TUNAR: variants seen among roughly 807,000 people sequenced by gnomAD.
TUNAR encodes transmembrane neural differentiation associated intracellular calcium regulator.
intron 2 of TUNAR, among the ~76,000 whole-genome samples, chr14:95,896,310 C>T (rs1445039489): frequency 6.6e-6 from 1 of 152,176 alleles, no homozygotes; most frequent in Non-Finnish European, 1.5e-5. Flanking sequence ...TGTTCAAGCT[C>T]AATGGGGAAA....
chr14:95,907,189 C>G (rs912985688), intron 2 of TUNAR, among the ~76,000 whole-genome samples: 1 of 152,162 alleles, frequency 6.6e-6, no homozygotes, highest in African/African-American at 2.4e-5. Flanking sequence ...TTTATTCAGC[C>G]CTTCTCCTAT....
rs868706395 is a variant in TUNAR, at chr14:95,913,978, G to A, written c.13-8803G>A. ...GATCACTTGACCTTGTGATCTGCCC[G>A]CCTTGGCCTCCCAAAGTGCTGGGAT... is the stretch of plus-strand genomic sequence containing the variant. On this transcript the variant is annotated intron_variant, in intron 2 of 2. Coordinates refer to ENST00000678517, the Ensembl canonical transcript of TUNAR. 1.2e-4 allele frequency among the ~76,000 whole-genome samples: 18 copies of A among 152,346 alleles called. 1 individual carries two copies. The highest frequency in any genetic ancestry group is 3.4e-3 in the Middle Eastern group (1 of 294).
At chr14:95,884,158 A>G (rs925122752) in intron 2 of TUNAR, among the ~76,000 whole-genome samples, 1 of 152,088 alleles carries the variant, frequency 6.6e-6, no homozygotes, top group South Asian at 2.1e-4. Flanking sequence ...TGTTTCCCGT[A>G]TGGTAGCCAG....
chr14:95,918,725 G>A (rs1358388423), intron 2 of TUNAR, among the ~76,000 whole-genome samples: 1 of 152,200 alleles, frequency 6.6e-6, no homozygotes, highest in Non-Finnish European at 1.5e-5. Flanking sequence ...TTAATTCAGG[G>A]AAGAGGCTAA....
intron 2 of TUNAR, among the ~76,000 whole-genome samples, chr14:95,921,322 G>T (rs746473281): frequency 2.0e-5 from 3 of 152,112 alleles, no homozygotes; most frequent in Non-Finnish European, 4.4e-5. Context: ...AAGCCTCCTG[G>T]CTCTAAAGGC....
rs1157018910 is a variant in TUNAR, at chr14:95,895,033, A to G, written c.12+17856A>G. The stretch of plus-strand genomic sequence containing the variant: ...TGGAGCTGAGGGCACAGAAATGGCC[A>G]AGGCAGGGAGTCAAGCCAGACAGCC... On this transcript the variant is annotated intron_variant, in intron 2 of 2. Coordinates refer to ENST00000678517, the Ensembl canonical transcript of TUNAR. The surrounding 1 kb of genome is among the most constrained non-coding windows in gnomAD (Gnocchi z 4.5). Among the ~76,000 whole-genome samples the G allele has an allele frequency of 6.6e-6, 1 of 152,238 alleles. No individual in the cohort carries two copies. The highest frequency in any genetic ancestry group is 1.5e-5 in the Non-Finnish European group (1 of 68,036).
At chr14:95,881,173 T>C (rs1888972367) in intron 2 of TUNAR, among the ~76,000 whole-genome samples, 1 of 152,082 alleles carries the variant, frequency 6.6e-6, no homozygotes, top group African/African-American at 2.4e-5. Context: ...ACGGAGGTGA[T>C]TTTGCTGTCA....
chr14:95,910,041 G>A (rs944380685), intron 2 of TUNAR, among the ~76,000 whole-genome samples: 2 of 152,180 alleles, frequency 1.3e-5, no homozygotes, highest in African/African-American at 4.8e-5. Flanking sequence ...AGTCATGTTG[G>A]CTGCGTGATT....
chr14:95,906,793 C>T (rs531167044), intron 2 of TUNAR, among the ~76,000 whole-genome samples: 23 of 152,284 alleles, frequency 1.5e-4, no homozygotes, highest in South Asian at 2.1e-4. Context: ...TGCTAAACAT[C>T]GCAATGCTCC....
At chr14:95,918,024 G>A (rs1198469444) in intron 2 of TUNAR, among the ~76,000 whole-genome samples, 1 of 152,252 alleles carries the variant, frequency 6.6e-6, no homozygotes, top group African/African-American at 2.4e-5. Context: ...GTGGATAAAT[G>A]AATGTATAAC....
intron 2 of TUNAR, among the ~76,000 whole-genome samples, chr14:95,911,863 A>G (rs956161852): frequency 1.3e-5 from 2 of 152,230 alleles, no homozygotes; most frequent in African/African-American, 4.8e-5. Flanking sequence ...TACTAGAATT[A>G]AATGACCCAA....
chr14:95,918,507 C>T (rs1385000668), intron 2 of TUNAR, among the ~76,000 whole-genome samples: 2 of 152,166 alleles, frequency 1.3e-5, no homozygotes, highest in East Asian at 3.9e-4. Context: ...GGGAATCAAG[C>T]CACACTCCCA....
At chr14:95,917,105 T>G (rs1889617165) in intron 2 of TUNAR, among the ~76,000 whole-genome samples, 1 of 152,230 alleles carries the variant, frequency 6.6e-6, no homozygotes, top group Admixed American at 6.5e-5. Context: ...CCTTATAGTT[T>G]GAGCTTTTAT....
chr14:95,921,605 G>A (rs1185597232), intron 2 of TUNAR, among the ~76,000 whole-genome samples: 1 of 152,232 alleles, frequency 6.6e-6, no homozygotes, highest in Non-Finnish European at 1.5e-5. Flanking sequence ...TAAAGGAACA[G>A]TTTAAAGCTT....
At chr14:95,911,965 G>A (rs1280442141) in intron 2 of TUNAR, among the ~76,000 whole-genome samples, 1 of 152,160 alleles carries the variant, frequency 6.6e-6, no homozygotes, top group African/African-American at 2.4e-5. Flanking sequence ...ATACAGCAAT[G>A]GCCCCTTTTG....
chr14:95,900,227 T>A (rs1411520070), intron 2 of TUNAR, among the ~76,000 whole-genome samples: 1 of 152,234 alleles, frequency 6.6e-6, no homozygotes, highest in Non-Finnish European at 1.5e-5. Context: ...TCAAGGGCCC[T>A]GCAACTCAGA....
chr14:95,892,470 A>G (rs1889196271), intron 2 of TUNAR, among the ~76,000 whole-genome samples: 1 of 152,236 alleles, frequency 6.6e-6, no homozygotes, highest in Admixed American at 6.5e-5. Context: ...CGCCTTCCTC[A>G]GGGCTCCTGG....
intron 2 of TUNAR, among the ~76,000 whole-genome samples, chr14:95,880,431 G>A (rs985513547): frequency 6.6e-6 from 1 of 152,140 alleles, no homozygotes; most frequent in African/African-American, 2.4e-5. Flanking sequence ...CCCCTTGCAC[G>A]GTAGAGGCTC....
At chr14:95,906,324 A>G (rs1264493940) in intron 2 of TUNAR, among the ~76,000 whole-genome samples, 2 of 152,160 alleles carry the variant, frequency 1.3e-5, no homozygotes, top group East Asian at 3.8e-4. Flanking sequence ...GTGTCCACCT[A>G]CCTGGATGTA....
Sources: allele counts gnomAD v4.1 joint callset (sites outside exome capture counted in the v4.1 genomes callset), GRCh38; gene constraint gnomAD v4.1.1; non-coding constraint Gnocchi (gnomAD v3.1); transcripts MANE v1.5; gene names NCBI Gene and HGNC (gene_info 2026-07-23, HGNC 2026-07-21).